PANX2: variants seen among roughly 807,000 people sequenced by gnomAD.
The protein encoded by PANX2 is pannexin-2.
Under a neutral mutation model 38.7 loss-of-function variants are expected in PANX2, and 30 were observed. The observed-to-expected ratio is 0.78, with a 90% CI of 0.58 to 1.05. The LOEUF is 1.05. Ranked by LOEUF, PANX2 falls within the 50% of genes least tolerant of loss-of-function variation. The pLI, the probability that PANX2 is intolerant of heterozygous loss-of-function variation, is 0.00. For missense variants in PANX2, 880 were observed against 979.3 expected (o/e 0.90, Z 1.35); for synonymous variants, 539 against 472.1 (o/e 1.14, Z -1.84).
At chr22:50,173,131 C>CAA (rs1209632059) in intron 1 of PANX2, among the ~76,000 whole-genome samples, 2 of 151,158 alleles carry the variant, frequency 1.3e-5, no homozygotes, top group Non-Finnish European at 3.0e-5. Context: ...CTCCTGACCT[C>CAA]GTGATCCGCC....
chr22:50,171,265 A>C (rs1351200310), intron 1 of PANX2, among the ~76,000 whole-genome samples: 1 of 151,964 alleles, frequency 6.6e-6, no homozygotes, highest in African/African-American at 2.4e-5. Context: ...TGGTTTGGAG[A>C]ATGTCACAAG....
At chr22:50,172,839 C>G (rs1224227132) in intron 1 of PANX2, among the ~76,000 whole-genome samples, 2 of 152,060 alleles carry the variant, frequency 1.3e-5, no homozygotes, top group Non-Finnish European at 1.5e-5. Flanking sequence ...AGCGATTCTC[C>G]TGCTTCAGCT....
In PANX2 at chr22:50,179,166, C is replaced by A. The variant is rs772350473; in HGVS notation, c.1923C>A (p.Gly641=). The part of the protein sequence containing the change: ...LYEAREEEDG[G]PRLPQDVGDL... The stretch of plus-strand genomic sequence containing the variant: ...AGGCCCGGGAGGAGGAGGACGGGGG[C>A]CCCCGCCTGCCGCAGGACGTGGGGG... Residue 641 remains glycine, a synonymous_variant, in exon 3 of 3, where the codon GGC becomes GGA. Coordinates refer to ENST00000395842, the MANE Select transcript of PANX2 (RefSeq NM_052839.4). The A allele has an allele frequency of 6.2e-7, 1 of 1,612,082 alleles. No individual in the cohort carries two copies. The highest frequency in any genetic ancestry group is 8.5e-7 in the Non-Finnish European group (1 of 1,179,698).
intron 1 of PANX2, among the ~76,000 whole-genome samples, chr22:50,175,021 G>A (rs1489887396): frequency 2.6e-5 from 4 of 152,226 alleles, no homozygotes; most frequent in African/African-American, 9.6e-5. Context: ...GGCCGGGCCG[G>A]TCACCTGCAG....
chr22:50,179,017 C>T lies in PANX2; in HGVS notation c.1774C>T (p.Arg592Cys). The change falls in exon 3 of 3, where the codon CGC (arginine) becomes TGC (cysteine). Residue 592 changes from arginine to cysteine, a missense_variant. Coordinates refer to ENST00000395842, the MANE Select transcript of PANX2 (RefSeq NM_052839.4). Reference sequence around the variant, plus strand: ...TCCCTCGGGGGGCCCGTTCCACGTCCGCTCACCTCCCGCCGCCCCTGCTGT... The same window carrying T: ...TCCCTCGGGGGGCCCGTTCCACGTCTGCTCACCTCCCGCCGCCCCTGCTGT... ...GLPSGGPFHV[R>C]SPPAAPAVAP... 6.2e-7 allele frequency: 1 copy of T among 1,610,562 alleles called. No individual in the cohort carries two copies.
rs755399207 is a variant in PANX2, at chr22:50,178,113, G to C, written c.1401G>C (p.Thr467=). The part of the protein sequence containing the change: ...AEKPKPARRK[T]ATDTLIAPLL... The stretch of plus-strand genomic sequence containing the variant: ...AGCCGAAGCCCGCGCGCAGGAAGAC[G>C]GCCACGGACACGCTGATCGCGCCGC... Residue 467 remains threonine (T), a synonymous_variant, in exon 2 of 3, where the codon ACG becomes ACC. Transcript: ENST00000395842. 18 of 1,543,320 alleles carry C rather than the reference G, an allele frequency of 1.2e-5. No individual in the cohort carries two copies. Among genetic ancestry groups the C allele is most frequent in the Admixed American group, 1.9e-5 (1 of 51,958 alleles).
At chr22:50,176,795 T>G (rs1384038105) in intron 1 of PANX2, 144 bp from the exon 2 acceptor site, 4 of 875,680 alleles carry the variant, frequency 4.6e-6, no homozygotes, top group Non-Finnish European at 6.6e-6. Context: ...GGGGTTCATC[T>G]GGGCAACCGC....
In PANX2 at chr22:50,179,392, G is replaced by A. The variant is rs936884559; in HGVS notation, c.*115G>A. On this transcript the variant is annotated 3_prime_UTR_variant, in exon 3 of 3. Transcript: ENST00000395842. ...GTGGCCTGTGCTTCGCCCGCACTGC[G>A]CGCATCCCCAACCTCTGTCCGCATG... The A allele has an allele frequency of 4.3e-6, 4 of 936,392 alleles. No individual in the cohort carries two copies. The highest frequency in any genetic ancestry group is 2.3e-5 in the Admixed American group (1 of 44,062). The allele number at this position is 936,392 out of a possible 1,614,324, so 58.0% of individuals were successfully genotyped here. A position where few individuals can be genotyped will look rare whatever the true frequency, so the allele number is the denominator to read the frequency against.
chr22:50,171,668 G>A (rs2063632845), intron 1 of PANX2, among the ~76,000 whole-genome samples: 1 of 152,206 alleles, frequency 6.6e-6, no homozygotes, highest in Admixed American at 6.5e-5. Context: ...AGAGCAGCCA[G>A]CCTGCCTGTG....
intron 2 of PANX2, among the ~76,000 whole-genome samples, chr22:50,178,610 G>T (rs2063679458): frequency 6.6e-6 from 1 of 152,342 alleles, no homozygotes; most frequent in African/African-American, 2.4e-5. Flanking sequence ...GGCCAGGCAG[G>T]GCCCTGGAGA....
chr22:50,179,460 C>T lies in PANX2; in HGVS notation c.*183C>T, dbSNP rs774442716. 6.8e-6 allele frequency: 4 copies of T among 590,230 alleles called. No homozygotes were observed. Among genetic ancestry groups the T allele is most frequent in the African/African-American group, 5.8e-5 (3 of 52,076 alleles). The allele number at this position is 590,230 out of a possible 1,614,324, so 36.6% of individuals were successfully genotyped here. A position where few individuals can be genotyped will look rare whatever the true frequency, so the allele number is the denominator to read the frequency against. ...CACGTGCTCGACAGGGGAACCCGCC[C>T]GGACGGCATCGCCAGGCACTGGCTG... On this transcript the variant is annotated 3_prime_UTR_variant, in exon 3 of 3. Coordinates refer to ENST00000395842, the MANE Select transcript of PANX2 (RefSeq NM_052839.4).
chr22:50,178,824 G>C (rs2147065184), intron 2 of PANX2, 110 bp from the exon 3 acceptor site: 1 of 926,202 alleles, frequency 1.1e-6, no homozygotes. Context: ...GCGTCTCCAG[G>C]GCGCTTCAGA....
At chr22:50,172,557 AG>A (rs2063638007) in intron 1 of PANX2, among the ~76,000 whole-genome samples, 1 of 151,400 alleles carries the variant, frequency 6.6e-6, no homozygotes, top group African/African-American at 2.4e-5. Context: ...AGCCCCCAGT[AG>A]CAGGGACCAC....
intron 1 of PANX2, among the ~76,000 whole-genome samples, chr22:50,171,176 C>A (rs1197549932): frequency 2.0e-5 from 3 of 152,216 alleles, no homozygotes; most frequent in Non-Finnish European, 4.4e-5. Flanking sequence ...GTTCTTCCTT[C>A]CATTCGTCCG....
In PANX2 at chr22:50,178,941, G is replaced by T; in HGVS notation, c.1698G>T (p.Pro566=). 1 of 1,569,434 alleles carries T rather than the reference G, an allele frequency of 6.4e-7. No homozygotes were observed. Among genetic ancestry groups the T allele is most frequent in the Non-Finnish European group, 8.7e-7 (1 of 1,155,786 alleles). Residue 566 remains proline, a synonymous_variant, in exon 3 of 3, where the codon CCG becomes CCT. Coordinates refer to ENST00000395842, the MANE Select transcript of PANX2 (RefSeq NM_052839.4). ...GCTCTTGGCTGTTTGCAGATGCTCC[G>T]CTCCCCGAGAAGGAAATCCCGTACC... ...GLAPAPIKDA[P]LPEKEIPYPT... is the part of the protein sequence containing the mutation.
chr22:50,178,817 T>C (rs2063680693), intron 2 of PANX2, 117 bp from the exon 3 acceptor site: 10 of 857,042 alleles, frequency 1.2e-5, no homozygotes, highest in Non-Finnish European at 1.8e-5. Context: ...AGGCCCAGCG[T>C]CTCCAGGGCG....
At chr22:50,176,799 C>T in intron 1 of PANX2, 140 bp from the exon 2 acceptor site, 3 of 905,700 alleles carry the variant, frequency 3.3e-6, no homozygotes, top group Non-Finnish European at 3.2e-6. Flanking sequence ...TTCATCTGGG[C>T]AACCGCAGGT....
intron 1 of PANX2, among the ~76,000 whole-genome samples, chr22:50,172,704 T>A (rs905524692): frequency 7.9e-5 from 12 of 151,184 alleles, no homozygotes; most frequent in African/African-American, 2.9e-4. Context: ...TGTGCCCTTT[T>A]CTCTTCTTCA....
In PANX2 at chr22:50,179,513, C is replaced by T. The variant is rs958814289; in HGVS notation, c.*236C>T. 1.9e-6 allele frequency: 1 copy of T among 536,194 alleles called. No homozygotes were observed. 33.2% of individuals were successfully genotyped at this position (536,194 alleles called of 1,614,324 possible). On this transcript the variant is annotated 3_prime_UTR_variant, in exon 3 of 3. Coordinates refer to ENST00000395842, the MANE Select transcript of PANX2 (RefSeq NM_052839.4). ...GTGGGGAAAGGTGGCCCAGTGGAGC[C>T]GGTGGCCAGGAAGGCTGAAGCCCGC... is the stretch of plus-strand genomic sequence containing the variant.
Sources: gnomAD v4.1 joint callset for allele counts (sites outside exome capture counted in the v4.1 genomes callset) on GRCh38, gnomAD v4.1.1 for gene constraint, MANE v1.5 for transcripts, NCBI Gene and HGNC (gene_info 2026-07-23, HGNC 2026-07-21) for gene names.